Variants in PLA2G2F observed in about 807,000 individuals in gnomAD.
PLA2G2F encodes the protein group IIF secretory phospholipase A2.
PLA2G2F carries 17 observed loss-of-function variants against 15.9 expected under a neutral mutation model. The observed-to-expected ratio is 1.07, with a 90% confidence interval of 0.73 to 1.60. The LOEUF (loss-of-function observed/expected upper bound fraction) is 1.60. Among genes scored for constraint, PLA2G2F ranks in the 40% most tolerant of loss-of-function variants. The pLI is 0.00. For synonymous variants in PLA2G2F, 119 were observed against 106.5 expected (o/e 1.12, Z -0.72); for missense variants, 299 against 278.2 (o/e 1.07, Z -0.53).
At chr1:20,145,143 T>C (rs75027029) in intron 4 of PLA2G2F, among the ~76,000 whole-genome samples, 1,595 of 152,212 alleles carry the variant, frequency 0.01, 38 homozygotes, top group African/African-American at 0.035. Context: ...TTCTTAGCTA[T>C]ACAATGAAAA....
At chr1:20,140,360 C>G (rs2100690215) in intron 2 of PLA2G2F, 142 bp downstream of exon 2, 3 of 847,264 alleles carry the variant, frequency 3.5e-6, no homozygotes, top group East Asian at 5.4e-5. Flanking sequence ...CTCAGCCCAG[C>G]AGGCTGCACC....
In PLA2G2F at chr1:20,144,614, C is replaced by G. The variant is rs1557776979; in HGVS notation, c.349C>G (p.Leu117Val). Reference protein sequence around the residue: ...CHAHDCCYQELFDQGCHPYVD... With the variant: ...CHAHDCCYQEVFDQGCHPYVD... ...CGCCCACGACTGCTGCTACCAGGAA[C>G]TCTTTGACCAAGGCTGTCACCCCTA... Residue 117 changes from leucine to valine, a missense_variant, in exon 4 of 5, where the codon CTC becomes GTC. By Grantham distance (32) the Leu-to-Val change is conservative (BLOSUM62 1). Coordinates refer to ENST00000375102, the MANE Select transcript of PLA2G2F (RefSeq NM_022819.4). The G allele has an allele frequency of 6.2e-7, 1 of 1,612,488 alleles. No individual in the cohort carries two copies. The highest frequency in any genetic ancestry group is 8.5e-7 in the Non-Finnish European group (1 of 1,179,344).
chr1:20,144,690 G>C lies in PLA2G2F; in HGVS notation c.424+1G>C. 1 of 1,595,010 alleles carries C rather than the reference G, an allele frequency of 6.3e-7. No homozygotes were observed. The highest frequency in any genetic ancestry group is 8.6e-7 in the Non-Finnish European group (1 of 1,168,650). The stretch of plus-strand genomic sequence containing the variant: ...GAGAACAACACTGAGATAGTCTGCA[G>C]TGAGTCCCTCCCCTGTCACCTGGGC... On this transcript the variant is annotated splice_donor_variant, in intron 4 of 4. Coordinates refer to ENST00000375102, the MANE Select transcript of PLA2G2F (RefSeq NM_022819.4). LOFTEE classifies it high-confidence loss of function.
intron 4 of PLA2G2F, 92 bp downstream of exon 4, chr1:20,144,781 A>C (rs1417264457): frequency 1.7e-6 from 2 of 1,152,994 alleles, no homozygotes; most frequent in African/African-American, 3.1e-5. Context: ...TTGCCAGATT[A>C]AATACAGGCT....
chr1:20,142,328 T>TGGGACCTGGGCAAGCCTGC (rs1433613905), intron 2 of PLA2G2F: 15 of 152,412 alleles, frequency 9.8e-5, no homozygotes, highest in African/African-American at 3.4e-4. Flanking sequence ...CTCCAGCCTG[T>TGGGACCTGGGCAAGCCTGC]GGGACCTGGG....
intron 3 of PLA2G2F, 45 bp downstream of exon 3, chr1:20,143,635 C>T: frequency 6.2e-7 from 1 of 1,600,668 alleles, no homozygotes; most frequent in Non-Finnish European, 8.5e-7. Context: ...CAAATGAGGA[C>T]AGCTGAAGGT....
At chr1:20,139,708 GTGAGGCC>G (rs1198566985) in intron 1 of PLA2G2F, among the ~76,000 whole-genome samples, 165 bp downstream of exon 1, 1 of 152,176 alleles carries the variant, frequency 6.6e-6, no homozygotes, top group Non-Finnish European at 1.5e-5. Context: ...CCCAGGGAGA[GTGAGGCC>G]ACACAACCCT....
chr1:20,148,018 A>C (rs1460081603), intron 4 of PLA2G2F, among the ~76,000 whole-genome samples, 172 bp from the exon 5 acceptor site: 1 of 151,988 alleles, frequency 6.6e-6, no homozygotes, highest in Non-Finnish European at 1.5e-5. Context: ...AGAGCTGCTG[A>C]CCTTGTAAGC....
intron 2 of PLA2G2F, chr1:20,141,758 A>T (rs1010207990): frequency 6.6e-6 from 1 of 152,212 alleles, no homozygotes; most frequent in Non-Finnish European, 1.5e-5. Context: ...TCAACCTCCA[A>T]GGTGCCCTGC....
intron 4 of PLA2G2F, among the ~76,000 whole-genome samples, chr1:20,145,681 T>C (rs865993229): frequency 1.3e-5 from 2 of 151,834 alleles, no homozygotes; most frequent in South Asian, 4.2e-4. Context: ...GGTGCCATCG[T>C]AGCTCACTGC....
intron 4 of PLA2G2F, among the ~76,000 whole-genome samples, chr1:20,146,793 G>A (rs2017617891): frequency 6.6e-6 from 1 of 152,148 alleles, no homozygotes; most frequent in African/African-American, 2.4e-5. Flanking sequence ...GAGGTGGAGG[G>A]GCTGGCCTGA....
At chr1:20,143,649 AC>A in intron 3 of PLA2G2F, 59 bp downstream of exon 3, 1 of 1,579,822 alleles carries the variant, frequency 6.3e-7, no homozygotes, top group South Asian at 1.1e-5. Context: ...TGAAGGTCAG[AC>A]TGACCTTGCC....
rs780646928 is a variant in PLA2G2F at position 20,148,283 on chromosome 1, A to G, written c.518A>G (p.Tyr173Cys). The G allele has an allele frequency of 6.2e-7, 1 of 1,614,052 alleles. No individual in the cohort carries two copies. Among genetic ancestry groups the G allele is most frequent in the Non-Finnish European group, 8.5e-7 (1 of 1,179,974 alleles). The change falls in exon 5 of 5, where the codon TAC (tyrosine) becomes TGC (cysteine). Residue 173 changes from tyrosine (Y) to cysteine (C), a missense_variant. Coordinates refer to ENST00000375102, the MANE Select transcript of PLA2G2F (RefSeq NM_022819.4). ...CLMNQTYREE[Y>C]RGFLNVYCQG... The stretch of plus-strand genomic sequence containing the variant: ...ATGAACCAGACGTACCGAGAGGAGT[A>G]CCGTGGCTTCCTCAATGTCTACTGC...
At chr1:20,145,755 C>T (rs1443101027) in intron 4 of PLA2G2F, among the ~76,000 whole-genome samples, 3 of 151,962 alleles carry the variant, frequency 2.0e-5, no homozygotes, top group Admixed American at 2.0e-4. Flanking sequence ...GATTACAGGC[C>T]AGTGCCAACA....
chr1:20,146,892 C>T (rs2017624274), intron 4 of PLA2G2F, among the ~76,000 whole-genome samples: 1 of 152,148 alleles, frequency 6.6e-6, no homozygotes, highest in South Asian at 2.1e-4. Flanking sequence ...GAACTTAAAG[C>T]AGTGATTTTC....
At chr1:20,144,551 C>T in intron 3 of PLA2G2F, 29 bp from the exon 4 acceptor site, 1 of 1,541,666 alleles carries the variant, frequency 6.5e-7, no homozygotes, top group Non-Finnish European at 8.9e-7. Flanking sequence ...CCCAGCCATG[C>T]CTGTCCACTC....
intron 1 of PLA2G2F, 139 bp downstream of exon 1, chr1:20,139,682 C>T (rs540710974): frequency 9.0e-6 from 6 of 668,152 alleles, no homozygotes; most frequent in South Asian, 2.1e-5. Flanking sequence ...TCAACCTTCA[C>T]GTGGCACTCA....
chr1:20,147,843 G>T (rs2017642959), intron 4 of PLA2G2F, among the ~76,000 whole-genome samples: 4 of 152,206 alleles, frequency 2.6e-5, no homozygotes, highest in Admixed American at 2.6e-4. Context: ...GGCGTGGGGG[G>T]TGCTTTAGTT....
In PLA2G2F at chr1:20,150,250, G is replaced by A. The variant is rs1273611693; in HGVS notation, c.*1849G>A. The A allele has an allele frequency of 6.6e-6, 1 of 152,462 alleles. No homozygotes were observed. The highest frequency in any genetic ancestry group is 1.5e-5 in the Non-Finnish European group (1 of 68,254). The allele number at this position is 152,462 out of a possible 1,614,324, so 9.4% of individuals were successfully genotyped here. A position where few individuals can be genotyped will look rare whatever the true frequency, so the allele number is the denominator to read the frequency against. ...CTCGGAAAGACTAGGCCAGGGTCTG[G>A]GGATGGGATTCTGCTGCCAGGGGTC... On this transcript the variant is annotated 3_prime_UTR_variant, in exon 5 of 5. Transcript: ENST00000375102.
Sources: gnomAD v4.1 joint callset for allele counts (sites outside exome capture counted in the v4.1 genomes callset) on GRCh38, gnomAD v4.1.1 for gene constraint, MANE v1.5 for transcripts, NCBI Gene and HGNC (gene_info 2026-07-23, HGNC 2026-07-21) for gene names.